Variants in MEI4 observed in about 807,000 individuals in gnomAD.
The protein encoded by MEI4 is meiotic double-stranded break formation protein 4.
In MEI4, 27 loss-of-function variants were observed where a neutral mutation model predicts 31.4. That is an observed-to-expected ratio of 0.86 (90% CI 0.63 to 1.19). The LOEUF is 1.19. MEI4 is among the 50% of genes most tolerant of loss of function. MEI4 has a pLI of 0.00. For missense variants in MEI4, 329 were observed against 398.9 expected (o/e 0.82, Z 1.49); for synonymous variants, 122 against 145.4 (o/e 0.84, Z 1.16).
At position 77,820,211 on chromosome 6, in the gene MEI4, T is replaced by C. The variant is rs1450319308; in HGVS notation, c.769-8720T>C. On this transcript the variant is annotated intron_variant, in intron 3 of 4. Coordinates refer to ENST00000684080, the MANE Select transcript of MEI4 (RefSeq NM_001322247.2). This position sits in a 1 kb window ranked among gnomAD's most constrained non-coding sequence, Gnocchi z 4.5. The stretch of plus-strand genomic sequence containing the variant: ...AAGGGAAACAGACCTCTTCAGAATA[T>C]CAAACACAAAGAGACTCCTGGGACT... Among the ~76,000 whole-genome samples, 3 of 152,104 alleles carry C rather than the reference T, an allele frequency of 2.0e-5. No homozygotes were observed. In the East Asian group the frequency reaches 5.8e-4, roughly 29 times the overall value.
chr6:77,699,642 G>A (rs191949337), intron 2 of MEI4, among the ~76,000 whole-genome samples: 1 of 152,172 alleles, frequency 6.6e-6, no homozygotes, highest in Non-Finnish European at 1.5e-5. Context: ...TCCTTTGGAG[G>A]AGGAGAGGCA....
upstream of MEI4, among the ~76,000 whole-genome samples, chr6:77,650,678 G>A (rs1768284573): frequency 6.6e-6 from 1 of 152,272 alleles, no homozygotes; most frequent in Non-Finnish European, 1.5e-5. Context: ...ACGTGCCCTG[G>A]GTTTGGACCT....
intron 4 of MEI4, among the ~76,000 whole-genome samples, chr6:77,842,852 T>A (rs1215647544): frequency 6.6e-6 from 1 of 151,994 alleles, no homozygotes; most frequent in Non-Finnish European, 1.5e-5. Context: ...TTGGAAGATA[T>A]AAGCTACCAA....
chr6:77,898,742 G>T (rs1201805236), intron 4 of MEI4, among the ~76,000 whole-genome samples: 1 of 151,800 alleles, frequency 6.6e-6, no homozygotes, highest in African/African-American at 2.4e-5. Flanking sequence ...ACTACAAGTT[G>T]AACCTCAAAT....
chr6:77,831,158 A>G (rs933548209), intron 4 of MEI4, among the ~76,000 whole-genome samples: 4 of 151,956 alleles, frequency 2.6e-5, no homozygotes, highest in African/African-American at 9.6e-5. Context: ...AAAAAAAAAA[A>G]AGCTCAACAA....
intron 4 of MEI4, among the ~76,000 whole-genome samples, chr6:77,880,986 T>G (rs1338516730): frequency 1.3e-5 from 2 of 152,166 alleles, no homozygotes; most frequent in East Asian, 1.9e-4. Flanking sequence ...TTAGTGTATT[T>G]TTTTTGGAGT....
Position 77,798,955 on chromosome 6 carries a change from G to A in MEI4, c.769-29976G>A, listed in dbSNP as rs1032047832. Among the ~76,000 whole-genome samples the A allele has an allele frequency of 1.1e-4, 17 of 151,952 alleles. 1 individual carries two copies. Among genetic ancestry groups the A allele is most frequent in the Admixed American group, 5.2e-4 (8 of 15,260 alleles). On this transcript the variant is annotated intron_variant, in intron 3 of 4. Transcript: ENST00000684080. ...GTGAATAATGCCGCAATAAACATAC[G>A]TGTGCATGTGTCTTTATAGCAGCAT... is the stretch of plus-strand genomic sequence containing the variant.
chr6:77,854,761 T>C (rs1770707853), intron 4 of MEI4, among the ~76,000 whole-genome samples: 1 of 152,142 alleles, frequency 6.6e-6, no homozygotes, highest in African/African-American at 2.4e-5. Context: ...GAGTGCTTGC[T>C]GTAGGCACCA....
chr6:77,674,117 C>A (rs1430362580), intron 1 of MEI4, among the ~76,000 whole-genome samples: 2 of 152,138 alleles, frequency 1.3e-5, no homozygotes, highest in Non-Finnish European at 2.9e-5. Context: ...AGACAACTTT[C>A]TGCATTTTTT....
intron 4 of MEI4, among the ~76,000 whole-genome samples, chr6:77,837,766 T>C (rs1191678013): frequency 6.6e-6 from 1 of 152,192 alleles, no homozygotes; most frequent in Admixed American, 6.5e-5. Context: ...AATTGGATAA[T>C]TGGGGAAAAT....
At chr6:77,696,700 C>T (rs1181568183) in intron 2 of MEI4, among the ~76,000 whole-genome samples, 2 of 151,606 alleles carry the variant, frequency 1.3e-5, no homozygotes, top group Non-Finnish European at 2.9e-5. Flanking sequence ...CATCAATGTT[C>T]ATCAAGGATA....
intron 1 of MEI4, among the ~76,000 whole-genome samples, chr6:77,675,628 A>G (rs745472631): frequency 6.6e-6 from 1 of 151,816 alleles, no homozygotes; most frequent in Non-Finnish European, 1.5e-5. Flanking sequence ...AGCAGAGCCC[A>G]CTGTCATACC....
intron 2 of MEI4, among the ~76,000 whole-genome samples, chr6:77,736,063 G>A (rs1484128848): frequency 1.3e-5 from 2 of 152,072 alleles, no homozygotes; most frequent in Non-Finnish European, 2.9e-5. Flanking sequence ...TTTTAAGTCT[G>A]CAGAGGTTAC....
At chr6:77,762,458 ATTT>A (rs556655646) in intron 3 of MEI4, among the ~76,000 whole-genome samples, 293 of 152,270 alleles carry the variant, frequency 1.9e-3, no homozygotes, top group Middle Eastern at 3.4e-3. Flanking sequence ...ATGGCTTCAC[ATTT>A]TAATCCTCTT....
intron 4 of MEI4, among the ~76,000 whole-genome samples, chr6:77,858,336 G>A (rs1470142334): frequency 6.6e-6 from 1 of 151,866 alleles, no homozygotes; most frequent in Non-Finnish European, 1.5e-5. Context: ...AATGCTCAAA[G>A]GCATATACAA....
intron 4 of MEI4, among the ~76,000 whole-genome samples, chr6:77,912,944 G>A (rs1285087188): frequency 6.6e-6 from 1 of 152,038 alleles, no homozygotes; most frequent in Non-Finnish European, 1.5e-5. Context: ...AGCAGCTGTG[G>A]GAGTATCATA....
Position 77,695,504 on chromosome 6 carries a change from T to C in MEI4, c.232+4601T>C, listed in dbSNP as rs559430559. On this transcript the variant is annotated intron_variant, in intron 2 of 4. Coordinates refer to ENST00000684080, the MANE Select transcript of MEI4 (RefSeq NM_001322247.2). ...TATGGCTAGCCAGTTTTCCCAGCAC[T>C]ATTTATTAAATAGGGAATCCTTTCC... is the stretch of plus-strand genomic sequence containing the variant. Among the ~76,000 whole-genome samples, 305 of 152,214 alleles carry C rather than the reference T, an allele frequency of 2.0e-3. 2 individuals carry two copies. Among genetic ancestry groups the C allele is most frequent in the African/African-American group, 6.7e-3 (279 of 41,568 alleles).
At chr6:77,675,236 A>T (rs1165789200) in intron 1 of MEI4, among the ~76,000 whole-genome samples, 2 of 151,794 alleles carry the variant, frequency 1.3e-5, no homozygotes, top group Non-Finnish European at 2.9e-5. Flanking sequence ...TCTTTTCTTT[A>T]TTAATTTATA....
chr6:77,890,807 T>A (rs1224264477), intron 4 of MEI4, among the ~76,000 whole-genome samples: 1 of 152,148 alleles, frequency 6.6e-6, no homozygotes, highest in East Asian at 1.9e-4. Context: ...CTTGTGATAG[T>A]GAATGAGTTC....
Sources: gnomAD v4.1 joint callset for allele counts (sites outside exome capture counted in the v4.1 genomes callset) on GRCh38, gnomAD v4.1.1 for gene constraint, Gnocchi (gnomAD v3.1) non-coding constraint, MANE v1.5 for transcripts, NCBI Gene and HGNC (gene_info 2026-07-23, HGNC 2026-07-21) for gene names.